The following TMEM165 variants were observed in gnomAD, a reference collection of about 807,000 sequenced individuals.
The protein encoded by TMEM165 is transmembrane protein 165.
In TMEM165, 19 loss-of-function variants were observed where a neutral mutation model predicts 30.0. The observed-to-expected ratio is 0.63, with a 90% CI of 0.44 to 0.93. The LOEUF is 0.93. Among genes scored for constraint, TMEM165 ranks in the 40% least tolerant of loss-of-function variants. The pLI, the probability that TMEM165 is intolerant of heterozygous loss-of-function variation, is 0.00. For synonymous variants in TMEM165, 168 were observed against 162.9 expected (o/e 1.03, Z -0.24); for missense variants, 340 against 417.0 (o/e 0.82, Z 1.61).
intron 5 of TMEM165, 70 bp from the exon 6 acceptor site, chr4:55,425,306 C>T: frequency 1.5e-6 from 2 of 1,295,430 alleles, no homozygotes; most frequent in Non-Finnish European, 1.1e-6. Flanking sequence ...TCATCGGCTC[C>T]CTTTTCATTT....
intron 1 of TMEM165, among the ~76,000 whole-genome samples, chr4:55,408,067 T>C (rs1174003057): frequency 6.6e-6 from 1 of 152,224 alleles, no homozygotes; most frequent in African/African-American, 2.4e-5. Context: ...ACAAAGAAGA[T>C]GATCCTTGCA....
intron 3 of TMEM165, chr4:55,444,690 T>C (rs770334118): frequency 1.5e-4 from 248 of 1,614,056 alleles, no homozygotes; most frequent in Non-Finnish European, 2.1e-4. Context: ...TTAGTTCTTC[T>C]TGTTGCCGAT....
rs963112749 is a variant in TMEM165 at position 55,403,045 on chromosome 4, C to T, written c.207+6649C>T. Among the ~76,000 whole-genome samples the T allele has an allele frequency of 3.3e-5, 5 of 152,058 alleles. No individual in the cohort carries two copies. The East Asian group carries it at 9.7e-4, about 30-fold the overall frequency. ...GACCTCGTGATCCGCCCGCCTGGGCCTCCCAAAGTGCTGGGATTACAGGCA... is the reference window on the plus strand; with the variant it reads ...GACCTCGTGATCCGCCCGCCTGGGCTTCCCAAAGTGCTGGGATTACAGGCA... On this transcript the variant is annotated intron_variant, in intron 1 of 5. Transcript: ENST00000381334.
Position 55,402,271 on chromosome 4 carries a change from CAAT to C in TMEM165, c.207+5878_207+5880del, listed in dbSNP as rs957815421. 3.1e-4 allele frequency among the ~76,000 whole-genome samples: 8 copies of C among 25,678 alleles called. 1 individual carries two copies. The highest frequency in any genetic ancestry group is 5.3e-4 in the African/African-American group (7 of 13,310). The allele number at this position is 25,678 out of a possible 152,430, so 16.8% of individuals were successfully genotyped here. A position where few individuals can be genotyped will look rare whatever the true frequency, so the allele number is the denominator to read the frequency against. The stretch of plus-strand genomic sequence containing the variant: ...AATTCTAATATAAATTAACAAGTAA[CAAT>C]AAAGTATTTAAAAATAGTGAAACCA... On this transcript the variant is annotated intron_variant, in intron 1 of 5. Transcript: ENST00000381334.
chr4:55,445,623 C>T (rs1723766992), intron 3 of TMEM165, among the ~76,000 whole-genome samples: 1 of 81,780 alleles, frequency 1.2e-5, no homozygotes, highest in Non-Finnish European at 2.5e-5. Context: ...CAGGATCTCA[C>T]TCTGTCACCC....
chr4:55,438,170 C>T, intron 3 of TMEM165: 2 of 1,343,618 alleles, frequency 1.5e-6, no homozygotes, highest in Non-Finnish European at 1.0e-6. Flanking sequence ...TTAAACTGTA[C>T]AATAAGCTTT....
At chr4:55,405,756 G>A (rs1721242269) in intron 1 of TMEM165, among the ~76,000 whole-genome samples, 1 of 152,054 alleles carries the variant, frequency 6.6e-6, no homozygotes, top group Admixed American at 6.6e-5. Flanking sequence ...TTGATCCAGT[G>A]GCTGATACTC....
intron 3 of TMEM165, 90 bp downstream of exon 3, chr4:55,417,337 G>A: frequency 7.8e-7 from 1 of 1,279,950 alleles, no homozygotes. Flanking sequence ...CCATCTGTGT[G>A]ATATGCGGGG....
intron 2 of TMEM165, chr4:55,415,130 G>A (rs1302694143): frequency 6.6e-6 from 1 of 152,140 alleles, no homozygotes; most frequent in Middle Eastern, 3.2e-3. Context: ...ATTGATGCTT[G>A]CAAAATGATG....
chr4:55,416,974 T>A, intron 2 of TMEM165, 98 bp from the exon 3 acceptor site: 1 of 1,076,024 alleles, frequency 9.3e-7, no homozygotes. Context: ...GTGAACCATT[T>A]TTCTTTTAAC....
intron 2 of TMEM165, among the ~76,000 whole-genome samples, chr4:55,414,248 C>T (rs552585494): frequency 4.8e-5 from 7 of 146,582 alleles, no homozygotes; most frequent in African/African-American, 1.3e-4. Context: ...CCAGCCTGGG[C>T]GACAGAGTGA....
intron 4 of TMEM165, among the ~76,000 whole-genome samples, chr4:55,418,473 G>A (rs1286508376): frequency 1.3e-5 from 2 of 151,122 alleles, no homozygotes; most frequent in Non-Finnish European, 2.9e-5. Context: ...CCAGTGAGCT[G>A]TGTTCGCGCC....
At chr4:55,438,492 A>G (rs1203781066) in intron 3 of TMEM165, 1 of 1,613,752 alleles carries the variant, frequency 6.2e-7, no homozygotes, top group Non-Finnish European at 8.5e-7. Flanking sequence ...CACAAGCTAC[A>G]GGAGCAGTCA....
At chr4:55,420,606 G>A (rs1560396859) in intron 4 of TMEM165, among the ~76,000 whole-genome samples, 1 of 152,070 alleles carries the variant, frequency 6.6e-6, no homozygotes, top group East Asian at 1.9e-4. Context: ...ACTGCCCTGC[G>A]GGGATATTTA....
At chr4:55,400,137 G>A (rs1720891557) in intron 1 of TMEM165, among the ~76,000 whole-genome samples, 1 of 134,256 alleles carries the variant, frequency 7.4e-6, no homozygotes, top group African/African-American at 2.8e-5. Flanking sequence ...GAGCCATCAT[G>A]CCTGGCCTTG....
chr4:55,397,109 C>T (rs576664914), intron 1 of TMEM165: 8 of 152,364 alleles, frequency 5.3e-5, no homozygotes, highest in Non-Finnish European at 1.0e-4. Flanking sequence ...ACATTTCTCC[C>T]TTCTCCCAGT....
At chr4:55,420,106 A>AAAAAAAAAAAAATATATAT (rs1474254120) in intron 4 of TMEM165, among the ~76,000 whole-genome samples, 4 of 45,396 alleles carry the variant, frequency 8.8e-5, no homozygotes, top group Non-Finnish European at 1.2e-4. Flanking sequence ...AAGAAAAAAA[A>AAAAAAAAAAAAATATATAT]ATATATATAT....
chr4:55,423,333 TC>T (rs1722059569), intron 4 of TMEM165: 1 of 152,288 alleles, frequency 6.6e-6, no homozygotes, highest in Admixed American at 6.5e-5. Context: ...TCTGCCCCGA[TC>T]TGGGGCAACG....
At chr4:55,448,931 A>G in intron 3 of TMEM165, 1 of 1,226,722 alleles carries the variant, frequency 8.2e-7, no homozygotes, top group African/African-American at 1.5e-5. Context: ...TACTTCCAGC[A>G]GAAATATCAA....
Sources: gnomAD v4.1 joint callset for allele counts (sites outside exome capture counted in the v4.1 genomes callset) on GRCh38, gnomAD v4.1.1 for gene constraint, MANE v1.5 for transcripts, NCBI Gene and HGNC (gene_info 2026-07-23, HGNC 2026-07-21) for gene names.